Variants in HERC4 observed in about 807,000 individuals in gnomAD.
HERC4 encodes the protein probable E3 ubiquitin-protein ligase HERC4.
In HERC4, 28 loss-of-function variants were observed where a neutral mutation model predicts 124.3. The ratio of observed to expected loss-of-function variants is 0.23; its 90% confidence interval spans 0.17 to 0.31. HERC4 has a LOEUF of 0.31. HERC4 is among the 10% of genes least tolerant of loss of function. The pLI, the probability that HERC4 is intolerant of heterozygous loss-of-function variation, is 1.00. For missense variants in HERC4, 713 were observed against 1,229.3 expected (o/e 0.58, Z 6.28); for synonymous variants, 407 against 421.5 (o/e 0.97, Z 0.42).
At chr10:68,019,480 A>G (rs1012362601) in intron 8 of HERC4, among the ~76,000 whole-genome samples, 1 of 152,148 alleles carries the variant, frequency 6.6e-6, no homozygotes, top group Non-Finnish European at 1.5e-5. Context: ...GACACCATAC[A>G]GTAGGAGGGT....
chr10:67,960,532 T>C (rs764246895), intron 16 of HERC4, among the ~76,000 whole-genome samples: 1 of 152,138 alleles, frequency 6.6e-6, no homozygotes, highest in African/African-American at 2.4e-5. Context: ...ATTATAGGCA[T>C]GTGCCACCAC....
At chr10:68,057,835 G>T (rs990070518) in intron 3 of HERC4, among the ~76,000 whole-genome samples, 1 of 151,790 alleles carries the variant, frequency 6.6e-6, no homozygotes, top group Admixed American at 6.6e-5. Flanking sequence ...GAGTAGCTGG[G>T]ATTACAAGCG....
In HERC4 at chr10:67,988,730, G is replaced by T; in HGVS notation, c.1739C>A (p.Pro580His). 1 of 1,602,280 alleles carries T rather than the reference G, an allele frequency of 6.2e-7. No individual in the cohort carries two copies. Among genetic ancestry groups the T allele is most frequent in the South Asian group, 1.1e-5 (1 of 88,608 alleles). Residue 580 changes from proline to histidine, a missense_variant, in exon 15 of 25, where the codon CCT (proline) becomes CAT (histidine). Coordinates refer to ENST00000373700, the MANE Select transcript of HERC4 (RefSeq NM_015601.4). ...ACTGTTGAAAATTCTTCTTTCAGAA[G>T]GGGGAATACCGATCTTGTAGAGTTT... is the stretch of plus-strand genomic sequence containing the variant. ...LLKLYKIGIPPSERRIFNSFL... is the reference protein window; with the variant it reads ...LLKLYKIGIPHSERRIFNSFL...
At chr10:68,040,443 G>A (rs1188211136) in intron 4 of HERC4, 1 of 864,274 alleles carries the variant, frequency 1.2e-6, no homozygotes, top group African/African-American at 1.8e-5. Flanking sequence ...GGTAAAACAA[G>A]GCTTCCCATG....
chr10:67,945,841 T>TA (rs1004994170), intron 19 of HERC4, among the ~76,000 whole-genome samples: 11 of 131,846 alleles, frequency 8.3e-5, no homozygotes, highest in South Asian at 2.4e-4. Flanking sequence ...ACACGAAAAA[T>TA]AAAAAAAAAG....
At chr10:67,960,511 G>A (rs1233672147) in intron 16 of HERC4, among the ~76,000 whole-genome samples, 2 of 151,878 alleles carry the variant, frequency 1.3e-5, no homozygotes, top group African/African-American at 4.8e-5. Context: ...TCAGCCTCCC[G>A]AGTAGCTGGG....
chr10:67,927,415 TATATATATATA>T (rs1227186841), intron 23 of HERC4, among the ~76,000 whole-genome samples: 501 of 12,418 alleles, frequency 0.04, 41 homozygotes, highest in African/African-American at 0.09. Context: ...TATATATATA[TATATATATATA>T]TATATTTTTT....
intron 23 of HERC4, among the ~76,000 whole-genome samples, chr10:67,928,360 T>A (rs2031388020): frequency 6.6e-6 from 1 of 152,200 alleles, no homozygotes; most frequent in Non-Finnish European, 1.5e-5. Flanking sequence ...ATCAATTTAC[T>A]ACTACACAAG....
rs183050489 is a variant in HERC4, at chr10:67,940,747, T to A, written c.2504+192A>T. ...GGTGTGGGCCACTGGGCCAGCCAAA[T>A]TTAGTCTTTCAATAGAAAATTTTGA... On this transcript the variant is annotated intron_variant, in intron 20 of 24. Transcript: ENST00000373700. Among the ~76,000 whole-genome samples, 1,112 of 152,318 alleles carry A rather than the reference T, an allele frequency of 7.3e-3. 17 individuals carry two copies. Among genetic ancestry groups the A allele is most frequent in the African/African-American group, 0.025 (1,057 of 41,568 alleles).
chr10:68,016,331 A>G (rs1039900582), intron 8 of HERC4, among the ~76,000 whole-genome samples: 1 of 152,162 alleles, frequency 6.6e-6, no homozygotes. Context: ...GAATAAGGAA[A>G]TAATAATACA....
intron 16 of HERC4, among the ~76,000 whole-genome samples, chr10:67,963,941 T>C (rs1425601889): frequency 6.6e-6 from 1 of 152,166 alleles, no homozygotes; most frequent in East Asian, 1.9e-4. Flanking sequence ...AATATGTTAT[T>C]TCTCCTGCCA....
intron 23 of HERC4, among the ~76,000 whole-genome samples, chr10:67,928,322 G>A (rs910569071): frequency 1.8e-4 from 27 of 152,130 alleles, no homozygotes; most frequent in African/African-American, 6.0e-4. Flanking sequence ...CTTAGAGTTA[G>A]TATCTACAGG....
At position 67,991,202 on chromosome 10, in the gene HERC4, A is replaced by G. The variant is rs1221967094; in HGVS notation, c.1272-3T>C. The G allele has an allele frequency of 6.6e-7, 1 of 1,505,256 alleles. No homozygotes were observed. The highest frequency in any genetic ancestry group is 8.9e-7 in the Non-Finnish European group (1 of 1,123,492). The allele number at this position is 1,505,256 out of a possible 1,614,324, so 93.2% of individuals were successfully genotyped here. A position where few individuals can be genotyped will look rare whatever the true frequency, so the allele number is the denominator to read the frequency against. On this transcript the variant is annotated splice_polypyrimidine_tract_variant and splice_region_variant and intron_variant, in intron 11 of 24. Coordinates refer to ENST00000373700, the MANE Select transcript of HERC4 (RefSeq NM_015601.4). ...AAGAAAACGTTCCATCTATCTCACT[A>G]AAAAATTTAAAAAAGTTTTTTTAAT...
intron 16 of HERC4, chr10:67,964,779 CTT>C (rs546952535): frequency 4.1e-5 from 6 of 146,166 alleles, no homozygotes; most frequent in East Asian, 2.0e-4. Context: ...TTCTTTCTTT[CTT>C]TTTTTTTTTT....
rs773699091 is a variant in HERC4 at position 67,932,550 on chromosome 10, AT to A, written c.2838+46del. Reference sequence around the variant, plus strand: ...ATACATAAAAAGGCAAGATTTCCATATATAAATCTTTCCATTTAACAATATC... The same window carrying A: ...ATACATAAAAAGGCAAGATTTCCATAATAAATCTTTCCATTTAACAATATC... On this transcript the variant is annotated intron_variant, in intron 23 of 24. Coordinates refer to ENST00000373700, the MANE Select transcript of HERC4 (RefSeq NM_015601.4). The A allele has an allele frequency of 4.0e-6, 6 of 1,510,744 alleles. No individual in the cohort carries two copies. The South Asian group carries it at 7.2e-5, about 18-fold the overall frequency. 93.6% of individuals were successfully genotyped at this position (1,510,744 alleles called of 1,614,324 possible). A position where few individuals can be genotyped will look rare whatever the true frequency, so the allele number is the denominator to read the frequency against.
chr10:68,027,944 T>C (rs1589365457), intron 7 of HERC4, among the ~76,000 whole-genome samples: 1 of 147,836 alleles, frequency 6.8e-6, no homozygotes, highest in Non-Finnish European at 1.5e-5. Flanking sequence ...AAATTATATA[T>C]ATATATCACA....
chr10:68,059,942 ATAT>A (rs899118124), intron 3 of HERC4, among the ~76,000 whole-genome samples: 6 of 126,650 alleles, frequency 4.7e-5, no homozygotes, highest in Non-Finnish European at 7.9e-5. Flanking sequence ...TATTATAATA[ATAT>A]TATATTATAT....
At chr10:67,941,334 C>T (rs1431613257) in intron 19 of HERC4, among the ~76,000 whole-genome samples, 1 of 151,618 alleles carries the variant, frequency 6.6e-6, no homozygotes, top group Non-Finnish European at 1.5e-5. Flanking sequence ...TAGCTGAAAT[C>T]GTACTATACA....
At chr10:68,060,776 AT>A (rs2040965994) in intron 3 of HERC4, among the ~76,000 whole-genome samples, 1 of 152,178 alleles carries the variant, frequency 6.6e-6, no homozygotes, top group Admixed American at 6.5e-5. Context: ...TATAAGGTTC[AT>A]TCCTATTAGA....
Sources: gnomAD v4.1 joint callset for allele counts (sites outside exome capture counted in the v4.1 genomes callset) on GRCh38, gnomAD v4.1.1 for gene constraint, MANE v1.5 for transcripts, NCBI Gene and HGNC (gene_info 2026-07-23, HGNC 2026-07-21) for gene names.